The following MAN1A1 variants were observed in gnomAD, a reference collection of about 807,000 sequenced individuals.
The protein encoded by MAN1A1 is mannosyl-oligosaccharide 1,2-alpha-mannosidase IA.
Under a neutral mutation model 70.8 loss-of-function variants are expected in MAN1A1, and 29 were observed. The observed-to-expected ratio is 0.41, with a 90% CI of 0.31 to 0.56. The LOEUF is 0.56. MAN1A1 is among the 20% of genes least tolerant of loss of function. MAN1A1 has a pLI of 0.29. For missense variants in MAN1A1, 747 were observed against 841.3 expected (o/e 0.89, Z 1.39); for synonymous variants, 349 against 330.1 (o/e 1.06, Z -0.62).
chr6:119,180,519 A>ATTTTTT (rs68020138), intron 11 of MAN1A1, 92 bp from the exon 12 acceptor site: 15,289 of 568,384 alleles, frequency 0.027, 132 homozygotes, highest in Non-Finnish European at 0.034. Flanking sequence ...CAGATAAAAC[A>ATTTTTT]TTTTTTTTTT....
intron 5 of MAN1A1, among the ~76,000 whole-genome samples, chr6:119,286,925 T>C (rs1304922458): frequency 6.6e-6 from 1 of 152,142 alleles, no homozygotes; most frequent in East Asian, 1.9e-4. Context: ...AATCTTATTG[T>C]TGGCTCCTAC....
At chr6:119,217,383 G>A (rs1774235970) in intron 6 of MAN1A1, among the ~76,000 whole-genome samples, 1 of 152,102 alleles carries the variant, frequency 6.6e-6, no homozygotes, top group African/African-American at 2.4e-5. Context: ...CCAGGTTCAA[G>A]CAATTCCCCT....
chr6:119,250,680 G>T (rs1036003743), intron 5 of MAN1A1, among the ~76,000 whole-genome samples: 1 of 151,434 alleles, frequency 6.6e-6, no homozygotes, highest in Non-Finnish European at 1.5e-5. Flanking sequence ...GTGTGTGCGT[G>T]TCAGTTACTC....
chr6:119,254,682 T>C (rs6941681), intron 5 of MAN1A1, among the ~76,000 whole-genome samples: 1 of 152,152 alleles, frequency 6.6e-6, no homozygotes, highest in Non-Finnish European at 1.5e-5. Context: ...ATGGTTTTTG[T>C]ACAACTAGCA....
intron 2 of MAN1A1, among the ~76,000 whole-genome samples, chr6:119,317,166 G>A (rs1333525430): frequency 1.3e-5 from 2 of 151,762 alleles, no homozygotes; most frequent in African/African-American, 4.8e-5. Context: ...TACCCCAAAG[G>A]CACAACCTCC....
At chr6:119,331,672 T>G (rs1366828197) in intron 2 of MAN1A1, among the ~76,000 whole-genome samples, 1 of 150,600 alleles carries the variant, frequency 6.6e-6, no homozygotes, top group Non-Finnish European at 1.5e-5. Context: ...ATATTACTCT[T>G]GAGAGGCTTT....
At chr6:119,304,945 A>ATTTACAAGAT (rs3839398) in intron 3 of MAN1A1, among the ~76,000 whole-genome samples, 3 of 151,638 alleles carry the variant, frequency 2.0e-5, no homozygotes, top group African/African-American at 7.3e-5. Context: ...TAAAGAAATC[A>ATTTACAAGAT]TTTCTCATCC....
intron 3 of MAN1A1, among the ~76,000 whole-genome samples, chr6:119,305,927 C>G (rs574351628): frequency 2.7e-4 from 41 of 152,202 alleles, no homozygotes; most frequent in African/African-American, 9.2e-4. Flanking sequence ...GGTTCAAGTC[C>G]CAGCTCTGCC....
At chr6:119,261,454 C>G (rs1272494130) in intron 5 of MAN1A1, among the ~76,000 whole-genome samples, 1 of 152,148 alleles carries the variant, frequency 6.6e-6, no homozygotes, top group African/African-American at 2.4e-5. Flanking sequence ...GTTGCACAAA[C>G]ACTTGGGATA....
chr6:119,226,832 G>C (rs1289803572), intron 6 of MAN1A1, among the ~76,000 whole-genome samples: 1 of 128,046 alleles, frequency 7.8e-6, no homozygotes, highest in East Asian at 3.6e-4. Context: ...CACCAGGCCT[G>C]GCTAATTTAT....
chr6:119,283,016 T>C (rs1349610542), intron 5 of MAN1A1, among the ~76,000 whole-genome samples: 3 of 152,358 alleles, frequency 2.0e-5, no homozygotes, highest in African/African-American at 4.8e-5. Flanking sequence ...AGTAATGATA[T>C]AATCTACAAA....
intron 2 of MAN1A1, among the ~76,000 whole-genome samples, chr6:119,347,039 A>G (rs1000036175): frequency 1.3e-5 from 2 of 152,242 alleles, no homozygotes; most frequent in African/African-American, 2.4e-5. Context: ...CCATTCCCCC[A>G]AGTATGGGAG....
chr6:119,324,574 A>T (rs1214488635), intron 2 of MAN1A1, among the ~76,000 whole-genome samples: 2 of 152,228 alleles, frequency 1.3e-5, no homozygotes, highest in African/African-American at 4.8e-5. Flanking sequence ...GATTCACAGG[A>T]TCAGAGTATT....
rs761822415 is a variant in MAN1A1, at chr6:119,177,935, ATTT to A, written c.*1881_*1883del. ...CATTTATACAAACATTATATTCTTA[ATTT>A]TGGCAATAATTTTTAATATTTTGCC... is the stretch of plus-strand genomic sequence containing the variant. On this transcript the variant is annotated 3_prime_UTR_variant, in exon 13 of 13. Transcript: ENST00000368468. The A allele has an allele frequency of 6.6e-6, 1 of 152,148 alleles. No individual in the cohort carries two copies. The highest frequency in any genetic ancestry group is 1.5e-5 in the Non-Finnish European group (1 of 67,960). The allele number at this position is 152,148 out of a possible 1,614,324, so 9.4% of individuals were successfully genotyped here.
intron 2 of MAN1A1, among the ~76,000 whole-genome samples, chr6:119,333,754 T>C (rs904254924): frequency 6.6e-6 from 1 of 152,236 alleles, no homozygotes. Flanking sequence ...AATCTACTCC[T>C]GGTTAACTCA....
At chr6:119,299,901 G>C (rs1037015684) in intron 4 of MAN1A1, among the ~76,000 whole-genome samples, 18 of 152,070 alleles carry the variant, frequency 1.2e-4, no homozygotes, top group African/African-American at 3.6e-4. Context: ...CCCAACCTCT[G>C]GCCCCAAGTC....
intron 5 of MAN1A1, among the ~76,000 whole-genome samples, chr6:119,273,298 T>G (rs192935803): frequency 6.6e-6 from 1 of 152,222 alleles, no homozygotes; most frequent in Non-Finnish European, 1.5e-5. Context: ...GAAGCAAATA[T>G]TTAGGAATAT....
At chr6:119,227,662 T>C (rs1007197830) in intron 6 of MAN1A1, among the ~76,000 whole-genome samples, 10 of 152,128 alleles carry the variant, frequency 6.6e-5, no homozygotes, top group African/African-American at 2.4e-4. Flanking sequence ...AGAGATGAGG[T>C]GTCACTACAT....
At chr6:119,286,913 G>A (rs1277234238) in intron 5 of MAN1A1, among the ~76,000 whole-genome samples, 2 of 152,106 alleles carry the variant, frequency 1.3e-5, no homozygotes, top group Admixed American at 6.6e-5. Context: ...CATAGTGGGC[G>A]AAATCTTATT....
Sources: allele counts gnomAD v4.1 joint callset (sites outside exome capture counted in the v4.1 genomes callset), GRCh38; gene constraint gnomAD v4.1.1; transcripts MANE v1.5; gene names NCBI Gene and HGNC (gene_info 2026-07-23, HGNC 2026-07-21).